The following CFAP54 variants were observed in gnomAD, a reference collection of about 807,000 sequenced individuals.
CFAP54 encodes the protein cilia- and flagella-associated protein 54.
A neutral mutation model predicts 370.4 loss-of-function variants in CFAP54; 290 were observed. The ratio of observed to expected loss-of-function variants is 0.78; its 90% CI spans 0.71 to 0.86. The LOEUF is 0.86. CFAP54 is among the 40% of genes least tolerant of loss of function. CFAP54 has a pLI of 0.00. For missense variants in CFAP54, 3,399 were observed against 3,528.7 expected (o/e 0.96, Z 0.93); for synonymous variants, 1,206 against 1,236.5 (o/e 0.98, Z 0.52).
chr12:96,611,734 T>A (rs1956360693), intron 26 of CFAP54, among the ~76,000 whole-genome samples: 1 of 152,182 alleles, frequency 6.6e-6, no homozygotes, highest in African/African-American at 2.4e-5. Flanking sequence ...GAACTACTGA[T>A]GAATGCACAA....
At chr12:96,835,890 G>A (rs118175511) in intron 66 of CFAP54, among the ~76,000 whole-genome samples, 42 of 152,270 alleles carry the variant, frequency 2.8e-4, no homozygotes, top group African/African-American at 8.4e-4. Flanking sequence ...AGTGGTAGGC[G>A]ATCTGGAGTG....
intron 6 of CFAP54, 31 bp downstream of exon 6, chr12:96,519,102 G>GTTTTTTTTT: frequency 7.5e-7 from 1 of 1,338,710 alleles, no homozygotes; most frequent in Non-Finnish European, 9.9e-7. Context: ...GAGGAGTCGA[G>GTTTTTTTTT]TTTTTTTTTT....
chr12:96,621,538 GAAAATA>G, intron 26 of CFAP54, 46 bp from the exon 27 acceptor site: 1 of 1,264,620 alleles, frequency 7.9e-7, no homozygotes, highest in Non-Finnish European at 1.0e-6. Context: ...CATTATACTT[GAAAATA>G]GACAAGAATG....
At chr12:96,763,048 A>G (rs1164566183) in intron 58 of CFAP54, among the ~76,000 whole-genome samples, 2 of 152,274 alleles carry the variant, frequency 1.3e-5, no homozygotes, top group Non-Finnish European at 1.5e-5. Flanking sequence ...AAATATGGGC[A>G]TCAAAGAATT....
chr12:96,770,347 C>T (rs1301412724), intron 60 of CFAP54, among the ~76,000 whole-genome samples: 2 of 152,144 alleles, frequency 1.3e-5, no homozygotes, highest in Admixed American at 6.5e-5. Context: ...GAGATTCATA[C>T]ACTGATCACT....
At chr12:96,650,202 G>A (rs1296673958) in intron 35 of CFAP54, 130 bp downstream of exon 35, 6 of 786,008 alleles carry the variant, frequency 7.6e-6, no homozygotes, top group Non-Finnish European at 1.2e-5. Flanking sequence ...ATCTCATCTT[G>A]CTGGGTGTAT....
At chr12:96,754,311 AT>A (rs1958225886) in intron 56 of CFAP54, among the ~76,000 whole-genome samples, 1 of 152,330 alleles carries the variant, frequency 6.6e-6, no homozygotes, top group East Asian at 1.9e-4. Context: ...TTGAAATTAA[AT>A]AGATATAGCA....
intron 14 of CFAP54, among the ~76,000 whole-genome samples, chr12:96,544,463 T>G (rs531105581): frequency 3.4e-5 from 5 of 145,750 alleles, no homozygotes; most frequent in Non-Finnish European, 7.6e-5. Flanking sequence ...CTTTCCTCCT[T>G]TCTCCTGCTC....
At chr12:96,504,944 T>C (rs540698329) in intron 3 of CFAP54, among the ~76,000 whole-genome samples, 9 of 137,472 alleles carry the variant, frequency 6.5e-5, no homozygotes, top group African/African-American at 2.4e-4. Context: ...TCTTCCTCTT[T>C]CTTTCTTTTT....
rs535105283 is a variant in CFAP54, at chr12:96,578,950, A to G, written c.2797-1647A>G. Among the ~76,000 whole-genome samples the G allele has an allele frequency of 2.0e-5, 3 of 152,316 alleles. No individual in the cohort carries two copies. The South Asian group carries it at 6.2e-4, about 32-fold the overall frequency. Reference sequence around the variant, plus strand: ...ATTACACATTGTTTCTTAGAGTTACATAAACTGATATGTCTTCATCTGTGG... The same window carrying G: ...ATTACACATTGTTTCTTAGAGTTACGTAAACTGATATGTCTTCATCTGTGG... On this transcript the variant is annotated intron_variant, in intron 20 of 67. Transcript: ENST00000524981.
At chr12:96,552,140 G>T (rs996884903) in intron 15 of CFAP54, among the ~76,000 whole-genome samples, 2 of 150,666 alleles carry the variant, frequency 1.3e-5, no homozygotes, top group African/African-American at 4.9e-5. Context: ...CAGCTGCTTG[G>T]AAGCCTGAGG....
chr12:96,522,036 T>C (rs1592829801), intron 7 of CFAP54, 52 bp from the exon 8 acceptor site: 2 of 1,523,978 alleles, frequency 1.3e-6, no homozygotes, highest in South Asian at 1.2e-5. Context: ...ACTTAGTAGT[T>C]GGGAAGTGCA....
chr12:96,687,980 C>T (rs74580098), intron 42 of CFAP54, among the ~76,000 whole-genome samples: 2,950 of 152,270 alleles, frequency 0.019, 103 homozygotes, highest in African/African-American at 0.065. Context: ...TGTCATTCTA[C>T]GGGGGCTTTG....
At chr12:96,862,050 G>A (rs1355413010) in intron 67 of CFAP54, among the ~76,000 whole-genome samples, 2 of 152,110 alleles carry the variant, frequency 1.3e-5, no homozygotes, top group Non-Finnish European at 2.9e-5. Context: ...AACGGTAATA[G>A]TAGCTGGCAG....
chr12:96,698,975 GT>G (rs1416129804), intron 45 of CFAP54, among the ~76,000 whole-genome samples: 4 of 152,116 alleles, frequency 2.6e-5, no homozygotes, highest in Non-Finnish European at 4.4e-5. Context: ...GGGTCCAAAT[GT>G]CCCCTATTCC....
intron 17 of CFAP54, among the ~76,000 whole-genome samples, chr12:96,559,224 A>T (rs1394539833): frequency 6.6e-6 from 1 of 152,162 alleles, no homozygotes; most frequent in Admixed American, 6.5e-5. Context: ...TCAAAAAAAA[A>T]TTTAATTATA....
At chr12:96,638,958 T>G (rs79406356) in intron 32 of CFAP54, among the ~76,000 whole-genome samples, 14,881 of 152,310 alleles carry the variant, frequency 0.098, 904 homozygotes, top group Middle Eastern at 0.16. Context: ...CTTGGTTATT[T>G]CTTGCCGTCT....
At chr12:96,692,591 C>A (rs1957399654) in intron 44 of CFAP54, among the ~76,000 whole-genome samples, 1 of 152,150 alleles carries the variant, frequency 6.6e-6, no homozygotes, top group South Asian at 2.1e-4. Context: ...GTTTGTAGGG[C>A]ATAGTTATAG....
chr12:96,658,789 C>G (rs1261496367), intron 38 of CFAP54, among the ~76,000 whole-genome samples: 1 of 152,140 alleles, frequency 6.6e-6, no homozygotes, highest in East Asian at 1.9e-4. Context: ...ATTACATCTC[C>G]ACTGTAGATC....
Sources: gnomAD v4.1 joint callset for allele counts (sites outside exome capture counted in the v4.1 genomes callset) on GRCh38, gnomAD v4.1.1 for gene constraint, MANE v1.5 for transcripts, NCBI Gene and HGNC (gene_info 2026-07-23, HGNC 2026-07-21) for gene names.